TMEM117: variants seen among roughly 807,000 people sequenced by gnomAD.
TMEM117 encodes transmembrane protein 117.
In TMEM117, 27 loss-of-function variants were observed where a neutral mutation model predicts 52.4. The observed-to-expected ratio is 0.51, with a 90% CI of 0.38 to 0.71. The LOEUF (loss-of-function observed/expected upper bound fraction) is 0.71, where lower values mean the gene tolerates loss of function less well. Among genes scored for constraint, TMEM117 ranks in the 30% least tolerant of loss-of-function variants. TMEM117 has a pLI of 0.00. For synonymous variants in TMEM117, 215 were observed against 206.3 expected, an observed-to-expected ratio of 1.04 and a Z score of -0.36; for missense variants, 556 against 630.5, an observed-to-expected ratio of 0.88 and a Z score of 1.26.
chr12:44,043,506 C>T (rs546022796), intron 3 of TMEM117, among the ~76,000 whole-genome samples: 1 of 152,236 alleles, frequency 6.6e-6, no homozygotes, highest in African/African-American at 2.4e-5. Context: ...GGAACAGCTG[C>T]CCCATCCTCC....
At chr12:43,933,942 G>C (rs921174926) in intron 2 of TMEM117, among the ~76,000 whole-genome samples, 1 of 152,160 alleles carries the variant, frequency 6.6e-6, no homozygotes, top group Non-Finnish European at 1.5e-5. Flanking sequence ...TGGATTCAAA[G>C]AATTTTGATT....
intron 2 of TMEM117, among the ~76,000 whole-genome samples, chr12:43,923,381 A>G (rs1161118396): frequency 6.6e-6 from 1 of 152,224 alleles, no homozygotes. Flanking sequence ...CATTTGTTAG[A>G]TGTACAGACC....
chr12:43,804,130 TAATTG>T, the TMEM117 span: 1 of 350,930 alleles, frequency 2.8e-6, no homozygotes, highest in Non-Finnish European at 5.8e-6. Flanking sequence ...AAAACAAACT[TAATTG>T]AATAATTCAC....
intron 6 of TMEM117, among the ~76,000 whole-genome samples, chr12:44,324,830 A>G (rs748748766): frequency 2.0e-5 from 3 of 152,296 alleles, no homozygotes; most frequent in Non-Finnish European, 4.4e-5. Context: ...CTGTATTAAC[A>G]GATTCTCTAT....
intron 6 of TMEM117, among the ~76,000 whole-genome samples, chr12:44,351,092 T>C (rs1248645947): frequency 6.6e-6 from 1 of 152,098 alleles, no homozygotes; most frequent in African/African-American, 2.4e-5. Context: ...CATTGTAATT[T>C]TGATTTGCAT....
chr12:44,171,284 G>T (rs966756518), intron 4 of TMEM117, among the ~76,000 whole-genome samples: 7 of 152,078 alleles, frequency 4.6e-5, no homozygotes, highest in Admixed American at 1.3e-4. Context: ...CAAAGTGCTG[G>T]GATTACAGGC....
At chr12:44,266,104 G>A (rs533709056) in intron 5 of TMEM117, among the ~76,000 whole-genome samples, 1 of 152,210 alleles carries the variant, frequency 6.6e-6, no homozygotes, top group African/African-American at 2.4e-5. Flanking sequence ...TCTCTTGGGT[G>A]TATAGCTAGA....
At chr12:43,829,108 C>T in the TMEM117 span, among the ~76,000 whole-genome samples, 1 of 152,140 alleles carries the variant, frequency 6.6e-6, no homozygotes, top group African/African-American at 2.4e-5. Context: ...TTCTGTGCTG[C>T]TCCTCATTGC....
chr12:44,048,749 A>G (rs1006143360), intron 3 of TMEM117, among the ~76,000 whole-genome samples: 5 of 152,204 alleles, frequency 3.3e-5, no homozygotes, highest in African/African-American at 1.2e-4. Flanking sequence ...GCGTGGGTGT[A>G]TTTGTCACAC....
the TMEM117 span, among the ~76,000 whole-genome samples, chr12:44,397,568 A>G: frequency 9.6e-4 from 147 of 152,334 alleles, no homozygotes; most frequent in Non-Finnish European, 1.6e-3. Context: ...CTGTGATTAT[A>G]GCTGTACTTT....
Position 44,388,862 on chromosome 12 carries a change from T to TGTTGA in TMEM117, c.*192_*193insTGAGT. Reference sequence around the variant, plus strand: ...TTTGTATTATAATACACGTGCCTACTGTATACTCAACAGTCCTCTAGAGAT... The same window carrying TGTTGA: ...TTTGTATTATAATACACGTGCCTACTGTTGAGTATACTCAACAGTCCTCTAGAGAT... On this transcript the variant is annotated 3_prime_UTR_variant, in exon 8 of 8. Transcript: ENST00000266534. 1.5e-6 allele frequency: 1 copy of TGTTGA among 646,194 alleles called. No homozygotes were observed. Among genetic ancestry groups the TGTTGA allele is most frequent in the Non-Finnish European group, 2.6e-6 (1 of 385,080 alleles). 40.0% of individuals were successfully genotyped at this position (646,194 alleles called of 1,614,324 possible).
intron 3 of TMEM117, among the ~76,000 whole-genome samples, chr12:44,027,105 T>TC (rs1491163679): frequency 1.3e-4 from 19 of 147,258 alleles, no homozygotes; most frequent in African/African-American, 4.5e-4. Flanking sequence ...TTTTATTTTA[T>TC]TTTATTTTAT....
chr12:43,893,334 G>A (rs1944141519), intron 2 of TMEM117, among the ~76,000 whole-genome samples: 2 of 152,172 alleles, frequency 1.3e-5, no homozygotes, highest in South Asian at 4.1e-4. Flanking sequence ...TGGAGGCTTG[G>A]ACTAGGGTGA....
chr12:43,981,691 G>A (rs574794825), intron 3 of TMEM117, among the ~76,000 whole-genome samples: 5 of 152,124 alleles, frequency 3.3e-5, no homozygotes, highest in Non-Finnish European at 7.3e-5. Context: ...GTTTGCAATA[G>A]AGCAAAGTAT....
At chr12:44,090,838 TG>T (rs1356690622) in intron 3 of TMEM117, among the ~76,000 whole-genome samples, 28 of 134,144 alleles carry the variant, frequency 2.1e-4, no homozygotes, top group African/African-American at 8.1e-4. Context: ...TGTATTTATG[TG>T]TTTTTTTTTG....
chr12:43,924,011 A>G (rs1168895069), intron 2 of TMEM117, among the ~76,000 whole-genome samples: 1 of 152,226 alleles, frequency 6.6e-6, no homozygotes, highest in African/African-American at 2.4e-5. Flanking sequence ...TAAAACACAG[A>G]GCCTAGAACA....
intron 5 of TMEM117, among the ~76,000 whole-genome samples, chr12:44,276,682 A>G (rs1278748462): frequency 2.0e-5 from 3 of 152,178 alleles, no homozygotes; most frequent in African/African-American, 7.2e-5. Flanking sequence ...CATATGTCAA[A>G]TAGCTTGATT....
chr12:44,029,349 C>T (rs1317840288), intron 3 of TMEM117, among the ~76,000 whole-genome samples: 1 of 152,184 alleles, frequency 6.6e-6, no homozygotes, highest in Non-Finnish European at 1.5e-5. Flanking sequence ...CTGCTTAGCA[C>T]TCTTTGCTTA....
At chr12:44,248,082 C>T (rs939097974) in intron 5 of TMEM117, among the ~76,000 whole-genome samples, 9 of 152,106 alleles carry the variant, frequency 5.9e-5, no homozygotes, top group African/African-American at 2.2e-4. Flanking sequence ...GATATAGCCC[C>T]CAGTTGGGCG....
Sources: gnomAD v4.1 joint callset for allele counts (sites outside exome capture counted in the v4.1 genomes callset) on GRCh38, gnomAD v4.1.1 for gene constraint, MANE v1.5 for transcripts, NCBI Gene and HGNC (gene_info 2026-07-23, HGNC 2026-07-21) for gene names.